The following ZFP1 variants were observed in gnomAD, a reference collection of about 807,000 sequenced individuals.
ZFP1 encodes zinc finger protein 1 homolog.
ZFP1 carries 32 observed loss-of-function variants against 38.5 expected under a neutral mutation model. The observed-to-expected ratio is 0.83, with a 90% CI of 0.63 to 1.12. The LOEUF is 1.12. Among genes scored for constraint, ZFP1 ranks in the 50% most tolerant of loss-of-function variants. The pLI is 0.00. For synonymous variants in ZFP1, 245 were observed against 168.8 expected (o/e 1.45, Z -3.50); for missense variants, 616 against 480.8 (o/e 1.28, Z -2.63).
chr16:75,145,525 C>G (rs2036933575), upstream of ZFP1, among the ~76,000 whole-genome samples: 1 of 152,166 alleles, frequency 6.6e-6, no homozygotes, highest in African/African-American at 2.4e-5. Flanking sequence ...CCACCCTGCT[C>G]TCTATCCTGT....
At chr16:75,147,183 G>C (rs373920673), upstream of ZFP1, among the ~76,000 whole-genome samples, 33 of 152,232 alleles carry the variant, frequency 2.2e-4, no homozygotes, top group East Asian at 5.0e-3. Context: ...AAACTATTCT[G>C]TACGATACTG....
chr16:75,144,142 C>G (rs1335926149), upstream of ZFP1: 1 of 152,178 alleles, frequency 6.6e-6, no homozygotes, highest in East Asian at 1.9e-4. Context: ...TTGAAAAGTA[C>G]AGCCCACACA....
intron 2 of ZFP1, among the ~76,000 whole-genome samples, chr16:75,153,261 T>C (rs1009218460): frequency 6.6e-5 from 10 of 152,218 alleles, no homozygotes; most frequent in Admixed American, 6.5e-4. Flanking sequence ...GTTATCACTT[T>C]ATCTGTGGTT....
At chr16:75,167,081 A>G (rs538515657) in intron 3 of ZFP1, among the ~76,000 whole-genome samples, 185 bp downstream of exon 3, 6 of 152,372 alleles carry the variant, frequency 3.9e-5, no homozygotes, top group African/African-American at 9.6e-5. Flanking sequence ...TCTGAAGTCC[A>G]GGCAATTAGG....
the ZFP1 span, among the ~76,000 whole-genome samples, chr16:75,127,331 C>A: frequency 6.6e-6 from 1 of 152,096 alleles, no homozygotes; most frequent in South Asian, 2.1e-4. Flanking sequence ...CTCACTGCAA[C>A]CTCTGCCTCC....
At chr16:75,127,878 A>G in the ZFP1 span, 1 of 152,238 alleles carries the variant, frequency 6.6e-6, no homozygotes, top group Non-Finnish European at 1.5e-5. Flanking sequence ...AATTGAGTTA[A>G]GTATACTCAA....
chr16:75,123,476 TATATATA>T, the ZFP1 span, among the ~76,000 whole-genome samples: 1 of 129,812 alleles, frequency 7.7e-6, no homozygotes, highest in Non-Finnish European at 1.6e-5. Flanking sequence ...TATATATATA[TATATATA>T]TATATATATA....
At position 75,152,353 on chromosome 16, in the gene ZFP1, C is replaced by T. The variant is rs542709599; in HGVS notation, c.-43-556C>T. Among the ~76,000 whole-genome samples the T allele has an allele frequency of 7.9e-5, 12 of 152,312 alleles. No homozygotes were observed. The South Asian group carries it at 2.5e-3, about 32-fold the overall frequency. On this transcript the variant is annotated intron_variant, in intron 1 of 3. Transcript: ENST00000570010. ...TTTATTAGACCATTTGATATTGTCT[C>T]ACAGCCCTTGGATGCTCTATCCTTT...
intron 3 of ZFP1, among the ~76,000 whole-genome samples, chr16:75,167,146 G>A (rs752870381): frequency 1.3e-5 from 2 of 152,212 alleles, no homozygotes; most frequent in Non-Finnish European, 2.9e-5. Context: ...TCAAGTTGGA[G>A]CAACCAGAAG....
the ZFP1 span, among the ~76,000 whole-genome samples, chr16:75,120,168 CGTGT>C: frequency 3.9e-5 from 6 of 151,980 alleles, no homozygotes; most frequent in East Asian, 7.7e-4. Flanking sequence ...TGCGCATGTG[CGTGT>C]GTGTGTTTGT....
At chr16:75,164,625 C>G (rs1251296822) in intron 2 of ZFP1, among the ~76,000 whole-genome samples, 2 of 152,038 alleles carry the variant, frequency 1.3e-5, no homozygotes, top group African/African-American at 4.8e-5. Context: ...AGTCATCATT[C>G]TAGATCGGGG....
At chr16:75,124,758 G>T in the ZFP1 span, among the ~76,000 whole-genome samples, 2 of 132,494 alleles carry the variant, frequency 1.5e-5, no homozygotes, top group Admixed American at 1.7e-4. Context: ...CTGCACTCCA[G>T]CCTGGGCAAC....
At chr16:75,130,445 A>T in the ZFP1 span, among the ~76,000 whole-genome samples, 1 of 152,134 alleles carries the variant, frequency 6.6e-6, no homozygotes. Flanking sequence ...CTGGCCTTGT[A>T]CGCATGCTGA....
chr16:75,170,198 A>G lies in ZFP1; in HGVS notation c.1088A>G (p.Gln363Arg). 6.2e-7 allele frequency: 1 copy of G among 1,614,206 alleles called. No homozygotes were observed. Among genetic ancestry groups the G allele is most frequent in the Non-Finnish European group, 8.5e-7 (1 of 1,180,022 alleles). The change falls in exon 4 of 4, where the codon CAG becomes CGG. Residue 363 changes from glutamine (Q) to arginine (R), a missense_variant. Physicochemically the swap from Gln to Arg is conservative, Grantham distance 43 (BLOSUM62 1). Transcript: ENST00000570010. The part of the protein sequence containing the change: ...ECTECGKTFS[Q>R]RSTLRLHLRI... ...ACTGAGTGCGGCAAAACTTTCAGCC[A>G]GAGGTCAACTCTTAGATTACACTTG...
At chr16:75,130,405 C>T in the ZFP1 span, among the ~76,000 whole-genome samples, 3 of 152,110 alleles carry the variant, frequency 2.0e-5, no homozygotes, top group Non-Finnish European at 4.4e-5. Context: ...GGCCTGCTAG[C>T]GCTTGGGAGG....
chr16:75,166,218 A>C (rs567663830), intron 2 of ZFP1, among the ~76,000 whole-genome samples: 7 of 152,234 alleles, frequency 4.6e-5, no homozygotes, highest in African/African-American at 1.4e-4. Flanking sequence ...GTCTCACAGT[A>C]CACATCTTGA....
the ZFP1 span, among the ~76,000 whole-genome samples, chr16:75,128,220 C>A: frequency 1.3e-5 from 2 of 152,170 alleles, no homozygotes; most frequent in South Asian, 2.1e-4. Flanking sequence ...GGCCCAGGAG[C>A]CCCACGTTTA....
chr16:75,134,784 G>A, the ZFP1 span, among the ~76,000 whole-genome samples: 1 of 151,628 alleles, frequency 6.6e-6, no homozygotes, highest in Admixed American at 6.6e-5. Context: ...CTGTCTGGGC[G>A]TGGTGGTTCA....
intron 2 of ZFP1, among the ~76,000 whole-genome samples, chr16:75,164,330 G>T (rs1401111598): frequency 6.6e-6 from 1 of 151,828 alleles, no homozygotes; most frequent in Admixed American, 6.6e-5. Context: ...CCCTTTAAAG[G>T]TTTATATTTT....
Sources: allele counts gnomAD v4.1 joint callset (sites outside exome capture counted in the v4.1 genomes callset), GRCh38; gene constraint gnomAD v4.1.1; transcripts MANE v1.5; gene names NCBI Gene and HGNC (gene_info 2026-07-23, HGNC 2026-07-21).